EDA: variants seen among roughly 807,000 people sequenced by gnomAD.
EDA encodes the protein ectodysplasin-A.
EDA carries 2 observed loss-of-function variants against 23.6 expected under a neutral mutation model. The observed-to-expected ratio is 0.08, with a 90% CI of 0.03 to 0.27. The LOEUF (loss-of-function observed/expected upper bound fraction) is 0.27. Among genes scored for constraint, EDA ranks in the 10% least tolerant of loss-of-function variants. The pLI is 1.00. For synonymous variants in EDA, 131 were observed against 132.0 expected (o/e 0.99, Z 0.05); for missense variants, 229 against 324.2 (o/e 0.71, Z 2.26).
intron 1 of EDA, among the ~76,000 whole-genome samples, chrX:69,771,693 C>T (rs927383620): frequency 6.3e-5 from 7 of 111,481 alleles, no homozygotes; most frequent in African/African-American, 9.8e-5. Flanking sequence ...TCAATAAAGC[C>T]GTTATGAAAA....
intron 1 of EDA, among the ~76,000 whole-genome samples, chrX:69,691,987 C>T (rs1252967439): frequency 1.8e-5 from 2 of 111,556 alleles, no homozygotes; most frequent in African/African-American, 6.5e-5. Context: ...ACCTTTATTG[C>T]TTGCCAGTAA....
chrX:69,889,146 T>A (rs982845022), intron 1 of EDA, among the ~76,000 whole-genome samples: 4 of 103,779 alleles, frequency 3.9e-5, no homozygotes, highest in African/African-American at 1.4e-4. Flanking sequence ...TTTATTTATT[T>A]ATTTACATAT....
intron 2 of EDA, among the ~76,000 whole-genome samples, chrX:69,961,243 G>A (rs2019098006): frequency 9.0e-6 from 1 of 111,011 alleles, no homozygotes; most frequent in Non-Finnish European, 1.9e-5. Flanking sequence ...CCAAAGTGCT[G>A]GGATTACAGG....
Position 70,038,426 on chromosome X carries a change from T to C in EDA, c.*2817T>C, listed in dbSNP as rs2020291961. The C allele has an allele frequency of 9.1e-6, 1 of 110,444 alleles. No individual in the cohort carries two copies. The highest frequency in any genetic ancestry group is 3.3e-5 in the African/African-American group (1 of 30,293). 9.1% of individuals were successfully genotyped at this position (110,444 alleles called of 1,213,427 possible). On this transcript the variant is annotated 3_prime_UTR_variant, in exon 8 of 8. Coordinates refer to ENST00000374552, the MANE Select transcript of EDA (RefSeq NM_001399.5). ...ATAGATGTGCAGTTTGGAATTATGT[T>C]GGTGTGAATTTGCCAGAGGACCAAT...
At chrX:69,636,620 A>G (rs1932778634) in intron 1 of EDA, among the ~76,000 whole-genome samples, 1 of 105,993 alleles carries the variant, frequency 9.4e-6, no homozygotes, top group Non-Finnish European at 1.9e-5. Context: ...TAGGTGCTCA[A>G]ACTGGTTCAT....
chrX:69,722,927 T>C (rs748792240), intron 1 of EDA, among the ~76,000 whole-genome samples: 2 of 112,378 alleles, frequency 1.8e-5, no homozygotes, highest in Admixed American at 9.4e-5. Flanking sequence ...GCACCATTCC[T>C]TACATAGAGT....
intron 1 of EDA, among the ~76,000 whole-genome samples, chrX:69,773,244 G>T (rs2014687886): frequency 8.9e-6 from 1 of 112,370 alleles, no homozygotes; most frequent in African/African-American, 3.2e-5. Context: ...GAAAGTCATT[G>T]CTTTTTAAGG....
chrX:69,820,701 C>T (rs1266850386), intron 1 of EDA, among the ~76,000 whole-genome samples: 3 of 111,930 alleles, frequency 2.7e-5, no homozygotes, highest in Non-Finnish European at 5.6e-5. Context: ...CATCTCATGC[C>T]AGTCAGAATG....
intron 1 of EDA, among the ~76,000 whole-genome samples, chrX:69,688,041 CT>C (rs1195128703): frequency 9.0e-6 from 1 of 111,435 alleles, no homozygotes; most frequent in Non-Finnish European, 1.9e-5. Context: ...TGAAGGGGGC[CT>C]TTGTACCCTA....
intron 1 of EDA, chrX:69,937,358 C>G: frequency 1.6e-6 from 1 of 628,552 alleles, no homozygotes; most frequent in Non-Finnish European, 2.8e-6. Context: ...GTGGTCCTAT[C>G]TATGCCAGCT....
intron 1 of EDA, among the ~76,000 whole-genome samples, chrX:69,637,473 A>T (rs1017745146): frequency 2.7e-5 from 3 of 111,132 alleles, no homozygotes; most frequent in African/African-American, 9.8e-5. Context: ...AATTAATGAG[A>T]TTGGGTTCTG....
At chrX:69,958,591 C>G (rs1194743987) in intron 2 of EDA, among the ~76,000 whole-genome samples, 1 of 109,802 alleles carries the variant, frequency 9.1e-6, no homozygotes, top group Non-Finnish European at 1.9e-5. Flanking sequence ...CAGCATTGAG[C>G]CTTTGAATGG....
intron 1 of EDA, among the ~76,000 whole-genome samples, chrX:69,634,364 G>A (rs1932714541): frequency 9.0e-6 from 1 of 111,475 alleles, no homozygotes; most frequent in Non-Finnish European, 1.9e-5. Context: ...CCAGGCGGGA[G>A]TGCGGTGGCA....
chrX:69,735,074 A>G (rs1310316116), intron 1 of EDA, among the ~76,000 whole-genome samples: 2 of 111,749 alleles, frequency 1.8e-5, no homozygotes, highest in Admixed American at 9.5e-5. Context: ...TTACACACCT[A>G]TGTTCATACC....
At chrX:69,896,070 C>T (rs1170051254) in intron 1 of EDA, among the ~76,000 whole-genome samples, 7 of 111,079 alleles carry the variant, frequency 6.3e-5, no homozygotes, top group African/African-American at 2.3e-4. Flanking sequence ...CTTCTGAGGT[C>T]TCTCTCCTTG....
chrX:69,956,663 C>G (rs1274287293), intron 1 of EDA, among the ~76,000 whole-genome samples: 1 of 111,450 alleles, frequency 9.0e-6, no homozygotes, highest in Non-Finnish European at 1.9e-5. Flanking sequence ...GTTTTCTGTT[C>G]AATTTTCTGT....
intron 1 of EDA, among the ~76,000 whole-genome samples, chrX:69,760,197 C>CAAAAAAAA (rs1162014486): frequency 2.8e-4 from 13 of 46,516 alleles, no homozygotes; most frequent in East Asian, 7.8e-4. Flanking sequence ...CTCTTTTGTA[C>CAAAAAAAA]AAAAAAAAAA....
intron 1 of EDA, among the ~76,000 whole-genome samples, chrX:69,725,388 A>G (rs969517535): frequency 8.9e-6 from 1 of 111,768 alleles, no homozygotes; most frequent in African/African-American, 3.3e-5. Flanking sequence ...CCCCTTATTC[A>G]TCTGGCATAT....
At chrX:69,685,960 C>T (rs1934529628) in intron 1 of EDA, among the ~76,000 whole-genome samples, 1 of 112,820 alleles carries the variant, frequency 8.9e-6, no homozygotes, top group Admixed American at 9.3e-5. Flanking sequence ...ATAATTTCTA[C>T]TTCATCAAGA....
Sources: gnomAD v4.1 joint callset for allele counts (sites outside exome capture counted in the v4.1 genomes callset) on GRCh38, gnomAD v4.1.1 for gene constraint, MANE v1.5 for transcripts, NCBI Gene and HGNC (gene_info 2026-07-23, HGNC 2026-07-21) for gene names.